The following SHC4 variants were observed in gnomAD, a reference collection of about 807,000 sequenced individuals.
SHC4 encodes the protein SHC-transforming protein 4.
Under a neutral mutation model 69.4 loss-of-function variants are expected in SHC4, and 41 were observed. The observed-to-expected ratio is 0.59, with a 90% CI of 0.46 to 0.77. The LOEUF (loss-of-function observed/expected upper bound fraction) is 0.77, where lower values mean the gene tolerates loss of function less well. Ranked by LOEUF, SHC4 falls within the 30% of genes least tolerant of loss-of-function variation. The pLI is 0.00. For missense variants in SHC4, 777 were observed against 783.8 expected, an observed-to-expected ratio of 0.99 and a Z score of 0.10; for synonymous variants, 318 against 299.3, an observed-to-expected ratio of 1.06 and a Z score of -0.64.
chr15:48,945,567 A>G (rs1317487465), intron 1 of SHC4, among the ~76,000 whole-genome samples: 1 of 152,234 alleles, frequency 6.6e-6, no homozygotes, highest in African/African-American at 2.4e-5. Flanking sequence ...CACATGCTAC[A>G]ACATGATGAA....
chr15:48,940,702 G>A lies in SHC4; in HGVS notation c.586-15753C>T, dbSNP rs142717998. On this transcript the variant is annotated intron_variant, in intron 1 of 11. Transcript: ENST00000332408. ...CATGTTCAATGTGTGGTCATGTCTG[G>A]AGACCATGTGGGCAAAGAACCTCAT... Among the ~76,000 whole-genome samples the A allele has an allele frequency of 1.4e-3, 210 of 152,272 alleles. 1 individual carries two copies. The highest frequency in any genetic ancestry group is 6.8e-3 in the Middle Eastern group (2 of 294).
chr15:48,928,844 G>T (rs914190043), intron 1 of SHC4, among the ~76,000 whole-genome samples: 1 of 152,128 alleles, frequency 6.6e-6, no homozygotes, highest in Admixed American at 6.5e-5. Context: ...GGTGGTTATA[G>T]CCAAGGGAAT....
chr15:48,878,999 T>G, intron 4 of SHC4: 1 of 377,268 alleles, frequency 2.7e-6, no homozygotes, highest in Non-Finnish European at 5.0e-6. Flanking sequence ...GCTTTGACTT[T>G]GTTATTGATC....
At chr15:48,830,736 T>C (rs1353479742) in intron 11 of SHC4, among the ~76,000 whole-genome samples, 1 of 152,210 alleles carries the variant, frequency 6.6e-6, no homozygotes, top group Non-Finnish European at 1.5e-5. Context: ...TAGAAAAGAA[T>C]GCTCATGTTG....
At position 48,878,792 on chromosome 15, in the gene SHC4, C is replaced by T. The variant is rs893767396; in HGVS notation, c.840+5456G>A. 5.3e-6 allele frequency: 8 copies of T among 1,521,086 alleles called. No homozygotes were observed. In the African/African-American group the frequency reaches 8.3e-5, roughly 16 times the overall value. The allele number at this position is 1,521,086 out of a possible 1,614,324, so 94.2% of individuals were successfully genotyped here. A position where few individuals can be genotyped will look rare whatever the true frequency, so the allele number is the denominator to read the frequency against. On this transcript the variant is annotated intron_variant, in intron 4 of 11. Coordinates refer to ENST00000332408, the MANE Select transcript of SHC4 (RefSeq NM_203349.4). ...CTACTTGAGGAGGGACCCAACTTTCCGCTATCTTTTGGGTTCATTCCAAAT... is the reference window on the plus strand; with the variant it reads ...CTACTTGAGGAGGGACCCAACTTTCTGCTATCTTTTGGGTTCATTCCAAAT...
At chr15:48,877,419 T>C (rs1899828366) in intron 4 of SHC4, 1 of 973,782 alleles carries the variant, frequency 1.0e-6, no homozygotes, top group South Asian at 4.8e-5. Flanking sequence ...ATAATTCATA[T>C]AAGTATATAC....
intron 8 of SHC4, among the ~76,000 whole-genome samples, chr15:48,851,960 T>C (rs1281452210): frequency 1.3e-5 from 2 of 152,194 alleles, no homozygotes; most frequent in Non-Finnish European, 1.5e-5. Flanking sequence ...GGTAGAATCC[T>C]AGGTCTTGAA....
intron 9 of SHC4, among the ~76,000 whole-genome samples, chr15:48,847,042 C>A (rs1899107616): frequency 6.7e-6 from 1 of 148,840 alleles, no homozygotes. Context: ...TTCATATGGG[C>A]CATTATATTT....
At chr15:48,888,213 C>T (rs1357170530) in intron 3 of SHC4, among the ~76,000 whole-genome samples, 1 of 152,142 alleles carries the variant, frequency 6.6e-6, no homozygotes, top group Non-Finnish European at 1.5e-5. Context: ...GGAAGCAACC[C>T]GGTGTCCATC....
chr15:48,898,197 T>G lies in SHC4; in HGVS notation c.657-7386A>C, dbSNP rs1348967659. Among the ~76,000 whole-genome samples, 3 of 152,174 alleles carry G rather than the reference T, an allele frequency of 2.0e-5. No individual in the cohort carries two copies. The East Asian group carries it at 5.8e-4, about 29-fold the overall frequency. On this transcript the variant is annotated intron_variant, in intron 2 of 11. Coordinates refer to ENST00000332408, the MANE Select transcript of SHC4 (RefSeq NM_203349.4). ...TCAATTTTGTCCAGCTTAGTGAAAT[T>G]AAAGACATCCAAGAATTTGTGAAAG...
intron 3 of SHC4, 94 bp downstream of exon 3, chr15:48,890,654 C>A (rs1900119996): frequency 7.0e-7 from 1 of 1,419,238 alleles, no homozygotes; most frequent in Non-Finnish European, 1.0e-6. Context: ...CAGGCTGGAC[C>A]TTGGTCATAT....
chr15:48,941,075 A>G (rs1901167041), intron 1 of SHC4, among the ~76,000 whole-genome samples: 1 of 152,190 alleles, frequency 6.6e-6, no homozygotes, highest in Non-Finnish European at 1.5e-5. Context: ...CAACTCCTCT[A>G]CTTTTTGTGG....
At position 48,963,714 on chromosome 15, in the gene SHC4, C is replaced by T. The variant is rs1242877820; in HGVS notation, c.-699G>A. 6.6e-6 allele frequency among the ~76,000 whole-genome samples: 1 copy of T among 152,088 alleles called. No homozygotes were observed. The highest frequency in any genetic ancestry group is 2.4e-5 in the African/African-American group (1 of 41,400). On this transcript the variant is annotated 5_prime_UTR_variant, in exon 1 of 12. Transcript: ENST00000332408. ...ATTGTTTCACTGACTTGTGATGGGT[C>T]CGTGTTCCTCAGATCCCCTCCCAGC... is the stretch of plus-strand genomic sequence containing the variant.
intron 1 of SHC4, among the ~76,000 whole-genome samples, chr15:48,943,901 C>T (rs1901224396): frequency 6.6e-6 from 1 of 151,992 alleles, no homozygotes; most frequent in Non-Finnish European, 1.5e-5. Context: ...TCCTTGGGCC[C>T]CTGGCTTCCA....
rs60841488 is a variant in SHC4 at position 48,907,814 on chromosome 15, A to ATGTG, written c.657-17007_657-17004dup. 4.2e-3 allele frequency among the ~76,000 whole-genome samples: 612 copies of ATGTG among 145,072 alleles called. 3 individuals are homozygous for ATGTG. The highest frequency in any genetic ancestry group is 7.7e-3 in the African/African-American group (303 of 39,184). On this transcript the variant is annotated intron_variant, in intron 2 of 11. Coordinates refer to ENST00000332408, the MANE Select transcript of SHC4 (RefSeq NM_203349.4). Reference sequence around the variant, plus strand: ...CGGTCATAAAAAGGAATGAATGAATATGTGTGTGTGTGTGTGTGTGTGTGT... The same window carrying ATGTG: ...CGGTCATAAAAAGGAATGAATGAATATGTGTGTGTGTGTGTGTGTGTGTGTGTGT...
chr15:48,941,150 C>T (rs963376224), intron 1 of SHC4, among the ~76,000 whole-genome samples: 2 of 152,154 alleles, frequency 1.3e-5, no homozygotes, highest in Admixed American at 6.5e-5. Flanking sequence ...GAACAGTCTA[C>T]TAAAGACACA....
chr15:48,887,246 TC>T (rs2141004107), intron 3 of SHC4, among the ~76,000 whole-genome samples: 1 of 152,224 alleles, frequency 6.6e-6, no homozygotes, highest in South Asian at 2.1e-4. Context: ...CGTTTTTGGC[TC>T]CCTCCCCCCA....
chr15:48,830,534 G>C (rs1009126273), intron 11 of SHC4, among the ~76,000 whole-genome samples: 2 of 152,164 alleles, frequency 1.3e-5, no homozygotes, highest in African/African-American at 4.8e-5. Context: ...TGACTAATGA[G>C]TTGTTGGAAC....
At chr15:48,843,664 A>T in intron 9 of SHC4, 76 bp from the exon 10 acceptor site, 1 of 1,390,516 alleles carries the variant, frequency 7.2e-7, no homozygotes, top group Non-Finnish European at 9.8e-7. Flanking sequence ...TTGAGTCTAG[A>T]ATTGATAGAA....
Sources: allele counts gnomAD v4.1 joint callset (sites outside exome capture counted in the v4.1 genomes callset), GRCh38; gene constraint gnomAD v4.1.1; transcripts MANE v1.5; gene names NCBI Gene and HGNC (gene_info 2026-07-23, HGNC 2026-07-21).